The following CCDC178 variants were observed in gnomAD, a reference collection of about 807,000 sequenced individuals.
CCDC178 encodes the protein coiled-coil domain-containing protein 178.
In CCDC178, 126 loss-of-function variants were observed where a neutral mutation model predicts 117.4. The observed-to-expected ratio is 1.07, with a 90% CI of 0.93 to 1.24. The LOEUF (loss-of-function observed/expected upper bound fraction) is 1.24. Ranked by LOEUF, CCDC178 falls within the 50% of genes most tolerant of loss-of-function variation. The pLI is 0.00. For missense variants in CCDC178, 1,030 were observed against 986.9 expected (o/e 1.04, Z -0.59); for synonymous variants, 283 against 313.4 (o/e 0.90, Z 1.02).
chr18:33,015,517 A>G (rs1413049060), intron 21 of CCDC178, among the ~76,000 whole-genome samples: 2 of 152,106 alleles, frequency 1.3e-5, no homozygotes, highest in Non-Finnish European at 2.9e-5. Flanking sequence ...GTGAGCCGAG[A>G]TCGCACCACT....
At chr18:33,023,474 G>A (rs1432265925) in intron 21 of CCDC178, among the ~76,000 whole-genome samples, 1 of 152,100 alleles carries the variant, frequency 6.6e-6, no homozygotes, top group Non-Finnish European at 1.5e-5. Flanking sequence ...ATAATTTGTG[G>A]GTCAAAGAGG....
At chr18:33,330,608 A>G (rs908870275) in intron 10 of CCDC178, among the ~76,000 whole-genome samples, 6 of 152,170 alleles carry the variant, frequency 3.9e-5, no homozygotes, top group African/African-American at 1.4e-4. Context: ...TAGAGAAACA[A>G]TCAATAGGAG....
At chr18:33,120,245 G>C (rs2057918865) in intron 20 of CCDC178, among the ~76,000 whole-genome samples, 1 of 151,788 alleles carries the variant, frequency 6.6e-6, no homozygotes, top group Non-Finnish European at 1.5e-5. Context: ...CACTGAATTA[G>C]AAATTGAGAC....
chr18:33,150,706 C>T (rs1178043491), intron 20 of CCDC178, among the ~76,000 whole-genome samples: 1 of 152,140 alleles, frequency 6.6e-6, no homozygotes, highest in Non-Finnish European at 1.5e-5. Flanking sequence ...ACTAGTACAA[C>T]CACTATGGAA....
At chr18:33,271,249 A>T in intron 12 of CCDC178, among the ~76,000 whole-genome samples, 1 of 151,610 alleles carries the variant, frequency 6.6e-6, no homozygotes, top group East Asian at 1.9e-4. Context: ...CTTATCAGTA[A>T]TTACATTAAA....
At chr18:33,173,208 C>T (rs541875839) in intron 20 of CCDC178, among the ~76,000 whole-genome samples, 2 of 152,084 alleles carry the variant, frequency 1.3e-5, no homozygotes, top group African/African-American at 2.4e-5. Flanking sequence ...GGCTACCATG[C>T]CTGGATAATT....
rs535193800 is a variant in CCDC178 at position 33,378,102 on chromosome 18, G to C, written c.209-7913C>G. ...GCACGGAATATTTTTCCATTTGTCT[G>C]TGTCATCTATGATTTCTTTCAGCAG... On this transcript the variant is annotated intron_variant, in intron 5 of 22. Coordinates refer to ENST00000383096, the MANE Select transcript of CCDC178 (RefSeq NM_001105528.4). Among the ~76,000 whole-genome samples the C allele has an allele frequency of 3.6e-4, 55 of 152,284 alleles. No individual in the cohort carries two copies. In the South Asian group the frequency reaches 0.011, roughly 31 times the overall value.
At chr18:32,948,984 G>A (rs1042737695) in intron 22 of CCDC178, among the ~76,000 whole-genome samples, 32 of 151,904 alleles carry the variant, frequency 2.1e-4, no homozygotes, top group African/African-American at 6.8e-4. Context: ...AAAAGTCTTC[G>A]TTTTGCCCTA....
chr18:33,139,451 G>A (rs2058170186), intron 20 of CCDC178, among the ~76,000 whole-genome samples: 1 of 152,270 alleles, frequency 6.6e-6, no homozygotes, highest in East Asian at 1.9e-4. Flanking sequence ...TGACAAAAAT[G>A]CTGATAGTGA....
intron 22 of CCDC178, among the ~76,000 whole-genome samples, chr18:32,949,381 A>T (rs1598719813): frequency 6.6e-6 from 1 of 152,056 alleles, no homozygotes; most frequent in East Asian, 1.9e-4. Flanking sequence ...TGTCACATTT[A>T]TTAGGTTGAC....
At chr18:33,305,521 T>C (rs1484514470) in intron 11 of CCDC178, among the ~76,000 whole-genome samples, 1 of 151,626 alleles carries the variant, frequency 6.6e-6, no homozygotes, top group Non-Finnish European at 1.5e-5. Flanking sequence ...CCCTTAAGAG[T>C]CTCTGCAAAG....
chr18:32,968,332 C>CT (rs1310093541), intron 22 of CCDC178, among the ~76,000 whole-genome samples: 1 of 151,932 alleles, frequency 6.6e-6, no homozygotes, highest in Admixed American at 6.6e-5. Flanking sequence ...GATTTAATTC[C>CT]TTTTTTTATG....
chr18:33,388,741 G>A (rs184091250), intron 5 of CCDC178, among the ~76,000 whole-genome samples: 6 of 151,088 alleles, frequency 4.0e-5, no homozygotes, highest in Non-Finnish European at 7.4e-5. Context: ...GGATGGTCTC[G>A]ATCTCCTGAC....
At chr18:33,007,335 A>G (rs1212498396) in intron 21 of CCDC178, among the ~76,000 whole-genome samples, 2 of 152,126 alleles carry the variant, frequency 1.3e-5, no homozygotes, top group African/African-American at 2.4e-5. Flanking sequence ...TATAAACAAT[A>G]TATGCATTCA....
At chr18:33,384,134 A>G (rs946461532) in intron 5 of CCDC178, among the ~76,000 whole-genome samples, 10 of 152,100 alleles carry the variant, frequency 6.6e-5, no homozygotes, top group Non-Finnish European at 1.5e-4. Context: ...ACTATCTTGC[A>G]GAAATAAGGC....
intron 2 of CCDC178, among the ~76,000 whole-genome samples, chr18:33,412,699 A>T (rs960406010): frequency 1.3e-5 from 2 of 152,138 alleles, no homozygotes; most frequent in Non-Finnish European, 2.9e-5. Context: ...ATTTCAAAAA[A>T]TTTTTAAACA....
At chr18:33,190,149 A>G (rs539768396) in intron 20 of CCDC178, among the ~76,000 whole-genome samples, 91 of 152,256 alleles carry the variant, frequency 6.0e-4, no homozygotes, top group African/African-American at 2.1e-3. Context: ...CAGTGGCTGG[A>G]TGTACTTGGC....
At position 33,367,333 on chromosome 18, in the gene CCDC178, G is replaced by A. The variant is rs75330229; in HGVS notation, c.348+2717C>T. ...CTTACACACATAACTCATTTTATGT[G>A]ACGTGAGGATTTATGCTTAGGTTAA... is the stretch of plus-strand genomic sequence containing the variant. On this transcript the variant is annotated intron_variant, in intron 6 of 22. Coordinates refer to ENST00000383096, the MANE Select transcript of CCDC178 (RefSeq NM_001105528.4). 1.3e-3 allele frequency among the ~76,000 whole-genome samples: 193 copies of A among 152,142 alleles called. 1 individual carries two copies. Among genetic ancestry groups the A allele is most frequent in the African/African-American group, 4.5e-3 (188 of 41,546 alleles).
chr18:33,422,822 G>T (rs1344389388), intron 2 of CCDC178, among the ~76,000 whole-genome samples: 2 of 152,114 alleles, frequency 1.3e-5, no homozygotes, highest in East Asian at 3.9e-4. Context: ...CTACAGATTT[G>T]CCTGGAAGTT....
Sources: gnomAD v4.1 joint callset for allele counts (sites outside exome capture counted in the v4.1 genomes callset) on GRCh38, gnomAD v4.1.1 for gene constraint, MANE v1.5 for transcripts, NCBI Gene and HGNC (gene_info 2026-07-23, HGNC 2026-07-21) for gene names.